The following SDAD1 variants were observed in gnomAD, a reference collection of about 807,000 sequenced individuals.
SDAD1 encodes SDA1 domain containing 1.
SDAD1 carries 79 observed loss-of-function variants against 100.3 expected under a neutral mutation model. The observed-to-expected ratio is 0.79, with a 90% CI of 0.66 to 0.95. SDAD1 has a LOEUF of 0.95. SDAD1 is among the 40% of genes least tolerant of loss of function. SDAD1 has a pLI of 0.00. For missense variants in SDAD1, 790 were observed against 810.9 expected (o/e 0.97, Z 0.31); for synonymous variants, 267 against 271.4 (o/e 0.98, Z 0.16).
At chr4:75,984,788 C>CAT (rs1730786992) in intron 1 of SDAD1, among the ~76,000 whole-genome samples, 1 of 147,404 alleles carries the variant, frequency 6.8e-6, no homozygotes, top group African/African-American at 2.5e-5. Flanking sequence ...AACACACACA[C>CAT]ACACACACAC....
At chr4:75,989,199 A>C (rs1236654978) in intron 1 of SDAD1, among the ~76,000 whole-genome samples, 1 of 152,054 alleles carries the variant, frequency 6.6e-6, no homozygotes, top group Non-Finnish European at 1.5e-5. Flanking sequence ...CTTTAGCTAC[A>C]CTGGCTTCTT....
At chr4:75,974,905 G>A (rs558669736) in intron 6 of SDAD1, among the ~76,000 whole-genome samples, 1 of 150,764 alleles carries the variant, frequency 6.6e-6, no homozygotes, top group East Asian at 2.0e-4. Context: ...AGCCGAGCAT[G>A]GTGGTGCATG....
chr4:75,966,224 C>T (rs1279138719), intron 12 of SDAD1, among the ~76,000 whole-genome samples: 2 of 150,976 alleles, frequency 1.3e-5, no homozygotes, highest in Admixed American at 6.6e-5. Context: ...AATGCAGTGC[C>T]TGGCATAAAA....
intron 1 of SDAD1, among the ~76,000 whole-genome samples, chr4:75,983,301 T>C (rs944432222): frequency 1.3e-5 from 2 of 152,230 alleles, no homozygotes; most frequent in African/African-American, 4.8e-5. Context: ...CCTTTGGGTA[T>C]ATACCCAGTA....
intron 1 of SDAD1, among the ~76,000 whole-genome samples, chr4:75,989,951 C>G (rs1731141976): frequency 6.6e-6 from 1 of 152,180 alleles, no homozygotes; most frequent in South Asian, 2.1e-4. Context: ...CTGGTAGAAG[C>G]ACAAACATGT....
Position 75,950,749 on chromosome 4 carries a change from G to C in SDAD1, c.*1C>G. The C allele has an allele frequency of 1.3e-6, 2 of 1,583,888 alleles. No individual in the cohort carries two copies. The highest frequency in any genetic ancestry group is 2.2e-5 in the East Asian group (1 of 44,544). ...CTAGGAATGGAAAACTTGCCAGGAA[G>C]TTACTTCATTCTTTTTCTCTTTTTC... is the stretch of plus-strand genomic sequence containing the variant. On this transcript the variant is annotated 3_prime_UTR_variant, in exon 22 of 22. Transcript: ENST00000356260.
At chr4:75,972,825 T>C (rs1356014489) in intron 8 of SDAD1, among the ~76,000 whole-genome samples, 3 of 151,652 alleles carry the variant, frequency 2.0e-5, no homozygotes, top group Non-Finnish European at 4.4e-5. Flanking sequence ...ATCAAGACCA[T>C]CCTGGCTAAC....
chr4:75,961,888 CTTTT>C (rs1006325329), intron 14 of SDAD1, among the ~76,000 whole-genome samples: 1 of 148,856 alleles, frequency 6.7e-6, no homozygotes, highest in African/African-American at 2.5e-5. Flanking sequence ...AGAGGAGAGA[CTTTT>C]TTTTCACTGT....
At chr4:75,955,870 A>C in intron 21 of SDAD1, 105 bp downstream of exon 21, 1 of 1,298,928 alleles carries the variant, frequency 7.7e-7, no homozygotes, top group East Asian at 2.4e-5. Context: ...CCCAAGACAC[A>C]CACAATAATG....
chr4:75,990,862 G>C lies in SDAD1; in HGVS notation c.-21C>G. 6.2e-7 allele frequency: 1 copy of C among 1,613,990 alleles called. No individual in the cohort carries two copies. The highest frequency in any genetic ancestry group is 1.1e-5 in the South Asian group (1 of 91,070). ...GACATTTTGGCTGCAGACAGACTTC[G>C]CGGCGAGCAGTTTTAAAAAAACTCA... On this transcript the variant is annotated 5_prime_UTR_variant, in exon 1 of 22. Transcript: ENST00000356260.
At position 75,969,325 on chromosome 4, in the gene SDAD1, G is replaced by A. The variant is rs374104248; in HGVS notation, c.958C>T (p.Leu320Phe). The A allele has an allele frequency of 1.9e-6, 3 of 1,613,232 alleles. No homozygotes were observed. Among genetic ancestry groups the A allele is most frequent in the Non-Finnish European group, 2.5e-6 (3 of 1,179,498 alleles). The change falls in exon 11 of 22, where the codon CTT becomes TTT. Residue 320 changes from leucine (L) to phenylalanine (F), a missense_variant. Transcript: ENST00000356260. The stretch of plus-strand genomic sequence containing the variant: ...TGAATTCCCACCAATCTGGAGATAA[G>A]GTTCATGAGCATCATCTTCACTTCA... ...RFEVKMMLMN[L>F]ISRLVGIHEL... is the part of the protein sequence containing the mutation.
At chr4:75,990,182 C>G (rs903512789) in intron 1 of SDAD1, among the ~76,000 whole-genome samples, 5 of 151,926 alleles carry the variant, frequency 3.3e-5, no homozygotes, top group Non-Finnish European at 7.3e-5. Context: ...GAAGCAAATT[C>G]TGACATCCGA....
At chr4:75,988,254 G>C (rs1318884630) in intron 1 of SDAD1, among the ~76,000 whole-genome samples, 2 of 152,020 alleles carry the variant, frequency 1.3e-5, no homozygotes, top group Non-Finnish European at 2.9e-5. Context: ...CCCTGTAAAG[G>C]CTTCCATCTC....
At chr4:75,977,418 T>C (rs1560551520) in intron 4 of SDAD1, among the ~76,000 whole-genome samples, 2 of 152,216 alleles carry the variant, frequency 1.3e-5, no homozygotes, top group Non-Finnish European at 2.9e-5. Context: ...CCCTCTCTCA[T>C]AGGGCTTTGT....
At chr4:75,990,304 A>G (rs560322031) in intron 1 of SDAD1, among the ~76,000 whole-genome samples, 45 of 128,054 alleles carry the variant, frequency 3.5e-4, no homozygotes, top group African/African-American at 1.2e-3. Flanking sequence ...GGCACAGTCC[A>G]GGGTACACAG....
rs966942985 is a variant in SDAD1, at chr4:75,990,552, G to A, written c.90+200C>T. ...GCAGGGCAGGTAGAAAATCCAAAGGGGCAACAGATTTTCAAGAGGTGGGGA... is the reference window on the plus strand; with the variant it reads ...GCAGGGCAGGTAGAAAATCCAAAGGAGCAACAGATTTTCAAGAGGTGGGGA... On this transcript the variant is annotated intron_variant, in intron 1 of 21. Coordinates refer to ENST00000356260, the MANE Select transcript of SDAD1 (RefSeq NM_018115.4). 5.5e-6 allele frequency: 6 copies of A among 1,084,704 alleles called. No homozygotes were observed. The East Asian group carries it at 7.8e-5, about 14-fold the overall frequency. 67.2% of individuals were successfully genotyped at this position (1,084,704 alleles called of 1,614,324 possible).
At position 75,961,302 on chromosome 4, in the gene SDAD1, A is replaced by G. The variant is rs755018096; in HGVS notation, c.1188T>C (p.Asn396=). ...NSGEVMTVGI[N]AIKEITARCP... is the part of the protein sequence containing the mutation. ...ATCGAGCTGTTATCTCCTTTATAGC[A>G]TTGATTCTAGAAAAAGAAAAACAAA... Residue 396 remains asparagine, a synonymous_variant, in exon 15 of 22, where the codon AAT becomes AAC. Transcript: ENST00000356260. The G allele has an allele frequency of 5.0e-6, 8 of 1,610,908 alleles. No individual in the cohort carries two copies. Among genetic ancestry groups the G allele is most frequent in the Non-Finnish European group, 6.8e-6 (8 of 1,178,482 alleles).
chr4:75,983,166 C>CCA (rs1298681973), intron 1 of SDAD1, among the ~76,000 whole-genome samples: 1 of 152,086 alleles, frequency 6.6e-6, no homozygotes, highest in African/African-American at 2.4e-5. Context: ...TATATATGTG[C>CCA]CATATTTTCT....
intron 6 of SDAD1, 100 bp downstream of exon 6, chr4:75,975,644 A>G (rs1037895194): frequency 2.6e-6 from 2 of 756,990 alleles, no homozygotes; most frequent in African/African-American, 3.5e-5. Context: ...TAAGTATATT[A>G]AAGAGCTCAA....
Sources: allele counts gnomAD v4.1 joint callset (sites outside exome capture counted in the v4.1 genomes callset), GRCh38; gene constraint gnomAD v4.1.1; transcripts MANE v1.5; gene names NCBI Gene and HGNC (gene_info 2026-07-23, HGNC 2026-07-21).